Variants in SNX29 observed in about 807,000 individuals in gnomAD.
The protein encoded by SNX29 is sorting nexin 29.
Under a neutral mutation model 102.1 loss-of-function variants are expected in SNX29, and 78 were observed. The observed-to-expected ratio is 0.76, with a 90% CI of 0.64 to 0.92. The LOEUF is 0.92. SNX29 is among the 40% of genes least tolerant of loss of function. SNX29 has a pLI of 0.00. For missense variants in SNX29, 1,280 were observed against 1,061.7 expected (o/e 1.21, Z -2.86); for synonymous variants, 580 against 414.5 (o/e 1.40, Z -4.85).
chr16:12,265,064 G>A (rs943514039), intron 14 of SNX29, among the ~76,000 whole-genome samples: 7 of 152,134 alleles, frequency 4.6e-5, no homozygotes, highest in African/African-American at 1.7e-4. Flanking sequence ...ACAGCATTTG[G>A]GGTGATCCAT....
At chr16:12,193,833 T>C (rs1473026492) in intron 13 of SNX29, among the ~76,000 whole-genome samples, 2 of 152,226 alleles carry the variant, frequency 1.3e-5, no homozygotes, top group African/African-American at 4.8e-5. Flanking sequence ...TTCTTTGGTC[T>C]GTCTTGTTGG....
chr16:12,265,160 A>C (rs772333140), intron 14 of SNX29, among the ~76,000 whole-genome samples: 1 of 152,152 alleles, frequency 6.6e-6, no homozygotes, highest in Non-Finnish European at 1.5e-5. Context: ...TTTCGAGCAA[A>C]TACTTTTGCA....
chr16:12,267,759 C>T (rs1008595615), intron 14 of SNX29, among the ~76,000 whole-genome samples: 1 of 152,204 alleles, frequency 6.6e-6, no homozygotes, highest in Non-Finnish European at 1.5e-5. Context: ...TGTTTACTCC[C>T]TGGCTTCTAC....
chr16:12,565,429 C>A (rs540450702), intron 20 of SNX29, among the ~76,000 whole-genome samples: 2 of 139,256 alleles, frequency 1.4e-5, no homozygotes, highest in East Asian at 4.9e-4. Context: ...CCCATCCTCC[C>A]GTGGCCTCAC....
At chr16:12,487,697 C>T (rs187789047) in intron 19 of SNX29, among the ~76,000 whole-genome samples, 3 of 152,166 alleles carry the variant, frequency 2.0e-5, no homozygotes, top group African/African-American at 7.2e-5. Context: ...GGACTCCCCC[C>T]ACCTGTTCGC....
chr16:11,999,434 A>C, intron 2 of SNX29, 76 bp downstream of exon 2: 1 of 1,438,818 alleles, frequency 7.0e-7, no homozygotes, highest in Non-Finnish European at 9.7e-7. Context: ...TTTCTTCCCT[A>C]TAACATACAC....
At chr16:12,260,429 G>A (rs1334686232) in intron 14 of SNX29, among the ~76,000 whole-genome samples, 1 of 152,154 alleles carries the variant, frequency 6.6e-6, no homozygotes, top group East Asian at 1.9e-4. Flanking sequence ...TTGTATTCTT[G>A]GCTTTGGGCT....
chr16:12,541,331 C>T (rs972968237), intron 20 of SNX29, among the ~76,000 whole-genome samples: 10 of 152,270 alleles, frequency 6.6e-5, no homozygotes, highest in African/African-American at 9.6e-5. Context: ...CTTCTGAGTG[C>T]CAGAATTACC....
chr16:12,277,855 G>A, intron 14 of SNX29, 78 bp from the exon 15 acceptor site: 1 of 1,293,670 alleles, frequency 7.7e-7, no homozygotes, highest in African/African-American at 1.5e-5. Flanking sequence ...TGAGAAAGAA[G>A]AATTTTTTCT....
intron 20 of SNX29, chr16:12,561,165 G>A (rs1012384604): frequency 2.2e-5 from 5 of 229,986 alleles, no homozygotes; most frequent in East Asian, 6.2e-5. Flanking sequence ...GAATTCAAAG[G>A]CTATTCAGCC....
At chr16:12,519,415 A>C (rs1180184566) in intron 19 of SNX29, among the ~76,000 whole-genome samples, 1 of 152,060 alleles carries the variant, frequency 6.6e-6, no homozygotes, top group Admixed American at 6.6e-5. Flanking sequence ...ACATTTGAAA[A>C]CTCAAACGTT....
chr16:12,542,424 C>T (rs1361733287), intron 20 of SNX29, among the ~76,000 whole-genome samples: 1 of 152,236 alleles, frequency 6.6e-6, no homozygotes, highest in Non-Finnish European at 1.5e-5. Flanking sequence ...CAGCCTTCGC[C>T]TCCCAAGTTC....
chr16:12,343,376 A>G (rs2081672797), intron 15 of SNX29, among the ~76,000 whole-genome samples: 1 of 152,210 alleles, frequency 6.6e-6, no homozygotes, highest in South Asian at 2.1e-4. Flanking sequence ...ATTCTCGGAG[A>G]TAAAGAGAAG....
chr16:12,385,247 A>T (rs1482672264), intron 16 of SNX29, among the ~76,000 whole-genome samples: 2 of 152,138 alleles, frequency 1.3e-5, no homozygotes, highest in African/African-American at 4.8e-5. Context: ...TTATTGGGGG[A>T]CACCTGAGCC....
At chr16:12,078,441 A>G (rs1052804749) in intron 10 of SNX29, among the ~76,000 whole-genome samples, 6 of 152,116 alleles carry the variant, frequency 3.9e-5, no homozygotes, top group Non-Finnish European at 7.4e-5. Context: ...CGCAAAAGAA[A>G]GAAAAGTGGA....
At chr16:12,462,087 ATC>A (rs1329520176) in intron 18 of SNX29, among the ~76,000 whole-genome samples, 14 of 146,148 alleles carry the variant, frequency 9.6e-5, no homozygotes, top group African/African-American at 3.5e-4. Flanking sequence ...GGAGATCAAT[ATC>A]TCAAACACCC....
At chr16:12,232,460 G>A (rs1278006221) in intron 14 of SNX29, among the ~76,000 whole-genome samples, 2 of 152,248 alleles carry the variant, frequency 1.3e-5, no homozygotes, top group Non-Finnish European at 2.9e-5. Context: ...GGTGGAGGTT[G>A]CAGTGAGCCA....
chr16:12,486,057 G>A (rs765260629), intron 19 of SNX29, among the ~76,000 whole-genome samples: 8 of 152,206 alleles, frequency 5.3e-5, no homozygotes, highest in East Asian at 1.9e-4. Flanking sequence ...AAATGAAGGC[G>A]TCAGCGAGGC....
At chr16:12,271,434 A>G (rs2079089317) in intron 14 of SNX29, among the ~76,000 whole-genome samples, 1 of 152,146 alleles carries the variant, frequency 6.6e-6, no homozygotes, top group African/African-American at 2.4e-5. Flanking sequence ...AGTCTTTATA[A>G]CTTAATCTCA....
Sources: allele counts gnomAD v4.1 joint callset (sites outside exome capture counted in the v4.1 genomes callset), GRCh38; gene constraint gnomAD v4.1.1; transcripts MANE v1.5; gene names NCBI Gene and HGNC (gene_info 2026-07-23, HGNC 2026-07-21).